Variants in BTBD7 observed in about 807,000 individuals in gnomAD.
BTBD7 encodes the protein BTB domain containing 7.
In BTBD7, 38 loss-of-function variants were observed where a neutral mutation model predicts 99.9. That is an observed-to-expected ratio of 0.38 (90% CI 0.29 to 0.50). BTBD7 has a LOEUF of 0.50. Among genes scored for constraint, BTBD7 ranks in the 20% least tolerant of loss-of-function variants. The pLI is 0.93. For missense variants in BTBD7, 1,170 were observed against 1,394.6 expected, an observed-to-expected ratio of 0.84 and a Z score of 2.57; for synonymous variants, 520 against 511.4, an observed-to-expected ratio of 1.02 and a Z score of -0.23.
chr14:93,288,988 T>G (rs1444061878), intron 3 of BTBD7, among the ~76,000 whole-genome samples: 3 of 152,190 alleles, frequency 2.0e-5, no homozygotes, highest in Admixed American at 6.5e-5. Context: ...GGAATCTCTC[T>G]AATTTCTTTA....
chr14:93,250,205 C>T (rs750005400), intron 8 of BTBD7, among the ~76,000 whole-genome samples: 9 of 152,172 alleles, frequency 5.9e-5, no homozygotes, highest in Non-Finnish European at 1.2e-4. Context: ...GATACCAGAA[C>T]AGGACCATAC....
Position 93,294,557 on chromosome 14 carries a change from C to T in BTBD7, c.463G>A (p.Val155Ile). ...CTTGCTGCCAAAATGGCACGATGAA[C>T]AGGAAAACAAGTTTCTTGAAATATT... ...DLIFQETCFP[V>I]HRAILAARCP... Residue 155 changes from valine (V) to isoleucine (I), a missense_variant, in exon 3 of 11, where the codon GTT (valine) becomes ATT (isoleucine). By Grantham distance (29) the Val-to-Ile change is conservative. Around this residue, in one of 4 missense-constraint regions of BTBD7, gnomAD observed 359 missense variants for 497.9 expected, o/e 0.72. Coordinates refer to ENST00000334746, the MANE Select transcript of BTBD7 (RefSeq NM_001002860.4). 1.2e-6 allele frequency: 2 copies of T among 1,613,820 alleles called. No homozygotes were observed. Among genetic ancestry groups the T allele is most frequent in the Non-Finnish European group, 8.5e-7 (1 of 1,179,916 alleles).
chr14:93,290,993 T>G (rs2052846787), intron 3 of BTBD7, among the ~76,000 whole-genome samples: 1 of 141,832 alleles, frequency 7.1e-6, no homozygotes, highest in Non-Finnish European at 1.5e-5. Flanking sequence ...CCTAGTTTTT[T>G]TTTTTTTTTT....
At chr14:93,306,468 AG>A (rs911706208) in intron 1 of BTBD7, among the ~76,000 whole-genome samples, 13 of 151,848 alleles carry the variant, frequency 8.6e-5, no homozygotes, top group Admixed American at 3.9e-4. Flanking sequence ...GACGTTATCA[AG>A]GAAGAAACAA....
intron 10 of BTBD7, 33 bp downstream of exon 10, chr14:93,245,792 A>G (rs1402562873): frequency 6.3e-7 from 1 of 1,587,738 alleles, no homozygotes; most frequent in African/African-American, 1.3e-5. Flanking sequence ...CCATAAACCG[A>G]ATTTGAAGCA....
At position 93,239,079 on chromosome 14, in the gene BTBD7, G is replaced by A. The variant is rs1332981811; in HGVS notation, c.*3194C>T. ...AAAGCTAAAGGGGGCATGTGAGAAC[G>A]GGCGTGGAAAATTGAAACAATTACG... On this transcript the variant is annotated 3_prime_UTR_variant, in exon 11 of 11. Coordinates refer to ENST00000334746, the MANE Select transcript of BTBD7 (RefSeq NM_001002860.4). 1 of 152,190 alleles carries A rather than the reference G, an allele frequency of 6.6e-6. No homozygotes were observed. The highest frequency in any genetic ancestry group is 2.4e-5 in the African/African-American group (1 of 41,440). 9.4% of individuals were successfully genotyped at this position (152,190 alleles called of 1,614,324 possible). A position where few individuals can be genotyped will look rare whatever the true frequency, so the allele number is the denominator to read the frequency against.
At chr14:93,321,164 TGAG>T (rs1409889179) in intron 1 of BTBD7, among the ~76,000 whole-genome samples, 1 of 152,228 alleles carries the variant, frequency 6.6e-6, no homozygotes, top group Non-Finnish European at 1.5e-5. Flanking sequence ...TGAAAGGTAC[TGAG>T]AAGAATTTAA....
rs1433849387 is a variant in BTBD7, at chr14:93,242,638, A to C, written c.3034T>G (p.Ser1012Ala). The C allele has an allele frequency of 1.2e-6, 2 of 1,613,612 alleles. No individual in the cohort carries two copies. ...TGTCTGTGTAGATGCCCGTCAGGGG[A>C]AAGTGGATATTCTCTCCTAGCTTCT... The part of the protein sequence containing the change: ...QEEARREYPL[S>A]PDGHLHRQKN... Residue 1012 changes from serine (S) to alanine (A), a missense_variant, in exon 11 of 11, where the codon TCC becomes GCC. By Grantham distance (99) the Ser-to-Ala change is moderately conservative (BLOSUM62 1). Coordinates refer to ENST00000334746, the MANE Select transcript of BTBD7 (RefSeq NM_001002860.4).
chr14:93,247,642 G>A (rs536087761), intron 9 of BTBD7, among the ~76,000 whole-genome samples: 1 of 152,254 alleles, frequency 6.6e-6, no homozygotes, highest in South Asian at 2.1e-4. Context: ...CACTGCGCCC[G>A]GCCACATCCT....
intron 3 of BTBD7, among the ~76,000 whole-genome samples, chr14:93,283,785 T>C (rs528909253): frequency 1.3e-5 from 2 of 152,176 alleles, no homozygotes; most frequent in Non-Finnish European, 2.9e-5. Context: ...CTCCTGGCCT[T>C]AAGTAATCTG....
intron 4 of BTBD7, among the ~76,000 whole-genome samples, chr14:93,262,957 C>T (rs1170499744): frequency 1.3e-5 from 2 of 152,120 alleles, no homozygotes; most frequent in Admixed American, 1.3e-4. Flanking sequence ...GCCATCTGTA[C>T]TGCAATCAAA....
In BTBD7 at chr14:93,257,261, A is replaced by C. The variant is rs148561355; in HGVS notation, c.1542T>G (p.Ser514=). Residue 514 remains serine, a synonymous_variant, in exon 6 of 11, where the codon TCT becomes TCG. Coordinates refer to ENST00000334746, the MANE Select transcript of BTBD7 (RefSeq NM_001002860.4). ...LDMEELREIL[S]SLLPFVRIEH... ...CAATTCGCACAAAAGGTAAGAGAGA[A>C]GAAAGGATCTCTCTGAGCTCTTCCA... 77 of 1,613,930 alleles carry C rather than the reference A, an allele frequency of 4.8e-5. No homozygotes were observed. Among genetic ancestry groups the C allele is most frequent in the Middle Eastern group, 1.6e-4 (1 of 6,084 alleles).
At chr14:93,280,373 C>T (rs1231718114) in intron 3 of BTBD7, among the ~76,000 whole-genome samples, 4 of 152,248 alleles carry the variant, frequency 2.6e-5, no homozygotes, top group East Asian at 3.9e-4. Flanking sequence ...ACACTGACAA[C>T]GAAAACCTAA....
At chr14:93,259,760 CCT>C (rs1397539275) in intron 5 of BTBD7, among the ~76,000 whole-genome samples, 1 of 152,084 alleles carries the variant, frequency 6.6e-6, no homozygotes, top group Non-Finnish European at 1.5e-5. Flanking sequence ...ATGGCGAAAC[CCT>C]GTGTCTACTA....
intron 1 of BTBD7, among the ~76,000 whole-genome samples, chr14:93,300,555 G>T (rs565006243): frequency 1.5e-4 from 22 of 151,516 alleles, no homozygotes; most frequent in African/African-American, 5.1e-4. Flanking sequence ...TGGGTGCCCG[G>T]CCCTTTTTTT....
intron 1 of BTBD7, among the ~76,000 whole-genome samples, chr14:93,309,225 A>G (rs1159582100): frequency 6.6e-6 from 1 of 152,162 alleles, no homozygotes; most frequent in Non-Finnish European, 1.5e-5. Context: ...CCATGTAGAC[A>G]GCACAGGCAT....
chr14:93,267,756 G>A (rs1209225494), intron 3 of BTBD7, among the ~76,000 whole-genome samples: 1 of 152,134 alleles, frequency 6.6e-6, no homozygotes, highest in Non-Finnish European at 1.5e-5. Flanking sequence ...ATCACCAGAT[G>A]CTGTTCATTC....
chr14:93,295,730 C>T (rs1156900551), intron 2 of BTBD7, among the ~76,000 whole-genome samples: 1 of 152,084 alleles, frequency 6.6e-6, no homozygotes, highest in Non-Finnish European at 1.5e-5. Flanking sequence ...TGCTAGTTTG[C>T]CTAAGGTAAT....
intron 1 of BTBD7, among the ~76,000 whole-genome samples, chr14:93,313,218 ATAAG>A (rs1397563035): frequency 2.6e-5 from 4 of 152,334 alleles, no homozygotes; most frequent in East Asian, 3.9e-4. Flanking sequence ...ATTTCAAATT[ATAAG>A]TAAGAGAATG....
Sources: gnomAD v4.1 joint callset for allele counts (sites outside exome capture counted in the v4.1 genomes callset) on GRCh38, gnomAD v4.1.1 for gene constraint, gnomAD v4.1.1 regional missense constraint, MANE v1.5 for transcripts, NCBI Gene and HGNC (gene_info 2026-07-23, HGNC 2026-07-21) for gene names.